The following NCBP1 variants were observed in gnomAD, a reference collection of about 807,000 sequenced individuals.
The protein encoded by NCBP1 is nuclear cap binding protein subunit 1, also known as nuclear cap-binding protein subunit 1.
Under a neutral mutation model 111.7 loss-of-function variants are expected in NCBP1, and 16 were observed. The ratio of observed to expected loss-of-function variants is 0.14; its 90% CI spans 0.10 to 0.22. The LOEUF is 0.22. Ranked by LOEUF, NCBP1 falls within the 10% of genes least tolerant of loss-of-function variation. NCBP1 has a pLI of 1.00. For missense variants in NCBP1, 607 were observed against 957.5 expected (o/e 0.63, Z 4.83); for synonymous variants, 304 against 314.3 (o/e 0.97, Z 0.35).
At chr9:97,648,936 A>G (rs562393789) in intron 8 of NCBP1, among the ~76,000 whole-genome samples, 62 of 152,260 alleles carry the variant, frequency 4.1e-4, no homozygotes, top group African/African-American at 1.5e-3. Flanking sequence ...TCCTGGGCTC[A>G]AGCAATTCGT....
intron 22 of NCBP1, 56 bp from the exon 23 acceptor site, chr9:97,671,030 C>T: frequency 8.5e-7 from 1 of 1,181,720 alleles, no homozygotes; most frequent in Admixed American, 1.9e-5. Flanking sequence ...AAATGTTCCA[C>T]AAGATTGCTT....
chr9:97,655,954 A>T, intron 13 of NCBP1, 57 bp from the exon 14 acceptor site: 1 of 1,499,630 alleles, frequency 6.7e-7, no homozygotes, highest in Non-Finnish European at 9.2e-7. Flanking sequence ...TTATAGTACA[A>T]ATGGGTGTAA....
In NCBP1 at chr9:97,645,742, C is replaced by G. The variant is rs1197903736; in HGVS notation, c.611+10C>G. ...CTGAAAGCTATCTTAAGTAAGGGCA[C>G]AGCTCATAGTACTCTTTGTTGCTTA... On this transcript the variant is annotated intron_variant, in intron 6 of 22. Transcript: ENST00000375147. The G allele has an allele frequency of 6.2e-7, 1 of 1,613,464 alleles. No individual in the cohort carries two copies. Among genetic ancestry groups the G allele is most frequent in the African/African-American group, 1.3e-5 (1 of 74,926 alleles).
intron 4 of NCBP1, 44 bp downstream of exon 4, chr9:97,643,404 T>C (rs1827252845): frequency 6.7e-7 from 1 of 1,487,266 alleles, no homozygotes; most frequent in Non-Finnish European, 9.0e-7. Flanking sequence ...ACTGTTGGGA[T>C]GGAGGGAAAA....
chr9:97,634,466 G>C lies in NCBP1; in HGVS notation c.34+551G>C, dbSNP rs1587990135. ...AGAGGTCCCTAATAAACAGACACAGGTTACTGCAGATTTTGAACTGGCCGT... is the reference window on the plus strand; with the variant it reads ...AGAGGTCCCTAATAAACAGACACAGCTTACTGCAGATTTTGAACTGGCCGT... On this transcript the variant is annotated intron_variant, in intron 1 of 22. Coordinates refer to ENST00000375147, the MANE Select transcript of NCBP1 (RefSeq NM_002486.5). 2.0e-5 allele frequency: 3 copies of C among 152,492 alleles called. No homozygotes were observed. The East Asian group carries it at 5.8e-4, about 29-fold the overall frequency. The allele number at this position is 152,492 out of a possible 1,614,324, so 9.4% of individuals were successfully genotyped here. A position where few individuals can be genotyped will look rare whatever the true frequency, so the allele number is the denominator to read the frequency against.
chr9:97,643,631 C>T (rs1023225088), intron 4 of NCBP1, among the ~76,000 whole-genome samples: 2 of 152,082 alleles, frequency 1.3e-5, no homozygotes, highest in Admixed American at 6.6e-5. Flanking sequence ...TTCATACCTC[C>T]TTTTTTCTGC....
intron 21 of NCBP1, among the ~76,000 whole-genome samples, 186 bp from the exon 22 acceptor site, chr9:97,669,407 A>C (rs1399328258): frequency 6.6e-6 from 1 of 152,220 alleles, no homozygotes; most frequent in Non-Finnish European, 1.5e-5. Flanking sequence ...GCCAGGAAGA[A>C]TGTACCAACT....
chr9:97,666,709 A>G (rs1828014110), intron 19 of NCBP1, 54 bp from the exon 20 acceptor site: 1 of 1,219,584 alleles, frequency 8.2e-7, no homozygotes. Flanking sequence ...GAAAGATTTT[A>G]TTTTCTGTAA....
intron 1 of NCBP1, among the ~76,000 whole-genome samples, chr9:97,636,601 A>G (rs1827040381): frequency 1.4e-5 from 2 of 141,970 alleles, no homozygotes; most frequent in Admixed American, 7.2e-5. Flanking sequence ...ATAATTATAT[A>G]CTGTATATAT....
intron 22 of NCBP1, among the ~76,000 whole-genome samples, chr9:97,670,745 AT>A (rs1206612812): frequency 2.6e-5 from 4 of 152,182 alleles, no homozygotes; most frequent in African/African-American, 4.8e-5. Context: ...GTTACAATGT[AT>A]TATGCCCTGA....
intron 1 of NCBP1, among the ~76,000 whole-genome samples, chr9:97,637,152 A>G (rs1456755146): frequency 6.6e-6 from 1 of 152,176 alleles, no homozygotes; most frequent in Non-Finnish European, 1.5e-5. Flanking sequence ...AGATTATAAA[A>G]TTATACTTCT....
intron 16 of NCBP1, 24 bp from the exon 17 acceptor site, chr9:97,662,018 G>T: frequency 6.4e-7 from 1 of 1,565,024 alleles, no homozygotes; most frequent in South Asian, 1.1e-5. Context: ...ACATTTTTCT[G>T]TTTTACTATA....
intron 10 of NCBP1, among the ~76,000 whole-genome samples, chr9:97,653,052 C>T (rs1827542471): frequency 6.6e-6 from 1 of 151,138 alleles, no homozygotes; most frequent in Admixed American, 6.6e-5. Context: ...ATCTGAGCAT[C>T]TATTTCAAGT....
Position 97,660,926 on chromosome 9 carries a change from A to AC in NCBP1, c.1478-15dup. 6.3e-7 allele frequency: 1 copy of AC among 1,599,040 alleles called. No homozygotes were observed. The highest frequency in any genetic ancestry group is 1.1e-5 in the South Asian group (1 of 89,846). On this transcript the variant is annotated intron_variant, in intron 15 of 22. Transcript: ENST00000375147. Reference sequence around the variant, plus strand: ...TGAAACCTGATCTGTCATTCCCCTTACCCCCAATTCTGTGTTTAGATTCTC... The same window carrying AC: ...TGAAACCTGATCTGTCATTCCCCTTACCCCCCAATTCTGTGTTTAGATTCTC...
At chr9:97,654,972 G>C (rs1250828345) in intron 12 of NCBP1, 28 bp downstream of exon 12, 1 of 1,506,760 alleles carries the variant, frequency 6.6e-7, no homozygotes, top group East Asian at 2.5e-5. Flanking sequence ...CTGCTGAGCT[G>C]AGTTAGCAGC....
intron 6 of NCBP1, among the ~76,000 whole-genome samples, chr9:97,646,915 C>G (rs1827358128): frequency 6.7e-6 from 1 of 148,230 alleles, no homozygotes; most frequent in Non-Finnish European, 1.5e-5. Context: ...CAAATGATAG[C>G]CCAATATACA....
At chr9:97,670,181 C>A in intron 22 of NCBP1, 1 of 227,022 alleles carries the variant, frequency 4.4e-6, no homozygotes, top group South Asian at 7.0e-5. Flanking sequence ...TCCCAAAGTG[C>A]TGCTGGGATT....
At chr9:97,665,696 G>A (rs538121829) in intron 19 of NCBP1, among the ~76,000 whole-genome samples, 21 of 152,272 alleles carry the variant, frequency 1.4e-4, no homozygotes, top group African/African-American at 4.6e-4. Flanking sequence ...AAAATTTGTA[G>A]AAGGAAGTAC....
rs959354024 is a variant in NCBP1 at position 97,633,870 on chromosome 9, C to T, written c.-12C>T. On this transcript the variant is annotated 5_prime_UTR_variant, in exon 1 of 23. Transcript: ENST00000375147. ...CCTGGCCTCTCGGTTCCGCGGCGCA[C>T]CGGAGGGCAGCATGTCGCGGCGGCG... The T allele has an allele frequency of 1.3e-6, 2 of 1,585,180 alleles. No individual in the cohort carries two copies. Among genetic ancestry groups the T allele is most frequent in the Admixed American group, 1.8e-5 (1 of 56,522 alleles).
Sources: allele counts gnomAD v4.1 joint callset (sites outside exome capture counted in the v4.1 genomes callset), GRCh38; gene constraint gnomAD v4.1.1; transcripts MANE v1.5; gene names NCBI Gene and HGNC (gene_info 2026-07-23, HGNC 2026-07-21).